Variants in PROS1 observed in about 807,000 individuals in gnomAD.
The protein encoded by PROS1 is protein S.
In PROS1, 29 loss-of-function variants were observed where a neutral mutation model predicts 75.9. The observed-to-expected ratio is 0.38, with a 90% CI of 0.28 to 0.52. The LOEUF is 0.52. PROS1 is among the 20% of genes least tolerant of loss of function. The pLI is 0.83. For synonymous variants in PROS1, 245 were observed against 280.6 expected (o/e 0.87, Z 1.27); for missense variants, 680 against 810.3 (o/e 0.84, Z 1.95).
intron 3 of PROS1, among the ~76,000 whole-genome samples, chr3:93,915,519 T>A (rs1708832098): frequency 6.6e-6 from 1 of 152,146 alleles, no homozygotes; most frequent in Admixed American, 6.5e-5. Context: ...CCTTCAATAT[T>A]TTGCTTAGAA....
chr3:93,907,607 T>C (rs1210348027), intron 4 of PROS1, among the ~76,000 whole-genome samples: 2 of 152,186 alleles, frequency 1.3e-5, no homozygotes, highest in African/African-American at 4.8e-5. Context: ...GTAAAGTTCC[T>C]GTTCATCTTG....
At chr3:93,906,891 T>C (rs1708684955) in intron 4 of PROS1, among the ~76,000 whole-genome samples, 2 of 152,330 alleles carry the variant, frequency 1.3e-5, no homozygotes, top group East Asian at 1.9e-4. Flanking sequence ...AGCGCTAACA[T>C]GCCAGCACCC....
At position 93,968,790 on chromosome 3, in the gene PROS1, A is replaced by T. The variant is rs1165447204; in HGVS notation, c.76+4884T>A. Among the ~76,000 whole-genome samples, 163 of 152,304 alleles carry T rather than the reference A, an allele frequency of 1.1e-3. 1 individual carries two copies. The highest frequency in any genetic ancestry group is 3.7e-3 in the African/African-American group (152 of 41,556). On this transcript the variant is annotated intron_variant, in intron 1 of 14. Coordinates refer to ENST00000394236, the MANE Select transcript of PROS1 (RefSeq NM_000313.4). ...GAAGGAAGACAATAATCCAGGCAAA[A>T]TAGTGTTGTTGCCACATACTAATCA...
At chr3:93,946,682 A>C (rs1291505270) in intron 1 of PROS1, among the ~76,000 whole-genome samples, 1 of 152,172 alleles carries the variant, frequency 6.6e-6, no homozygotes, top group African/African-American at 2.4e-5. Context: ...CTTAAATGTT[A>C]GACCTAAAAC....
intron 1 of PROS1, among the ~76,000 whole-genome samples, chr3:93,964,249 C>T (rs546205278): frequency 2.0e-5 from 3 of 152,286 alleles, no homozygotes; most frequent in African/African-American, 7.2e-5. Flanking sequence ...GTCTTACTCC[C>T]TGCGGGGTTG....
rs1258873920 is a variant in PROS1, at chr3:93,886,767, A to AACAT, written c.1156-268_1156-265dup. ...AAAAAATACTATTCTGTTAAGCTTA[A>AACAT]ACATCCAGTTATATATCTTTCAATT... On this transcript the variant is annotated intron_variant, in intron 10 of 14. Transcript: ENST00000394236. 8.5e-5 allele frequency among the ~76,000 whole-genome samples: 13 copies of AACAT among 152,304 alleles called. No individual in the cohort carries two copies. The East Asian group carries it at 2.5e-3, about 29-fold the overall frequency.
intron 1 of PROS1, among the ~76,000 whole-genome samples, chr3:93,966,131 A>T (rs191394508): frequency 1.1e-4 from 16 of 152,148 alleles, no homozygotes; most frequent in East Asian, 3.9e-4. Flanking sequence ...AAAAACTAAC[A>T]AACTAACCTC....
chr3:93,897,897 A>C (rs773971224), intron 8 of PROS1, among the ~76,000 whole-genome samples: 3 of 152,088 alleles, frequency 2.0e-5, no homozygotes, highest in Non-Finnish European at 4.4e-5. Context: ...AGTTTGAGAG[A>C]CACAGATTAA....
At chr3:93,916,144 A>T (rs1412631845) in intron 3 of PROS1, among the ~76,000 whole-genome samples, 1 of 152,186 alleles carries the variant, frequency 6.6e-6, no homozygotes, top group East Asian at 1.9e-4. Flanking sequence ...CAAGAGATAG[A>T]GAGGGGAAGG....
Position 93,900,847 on chromosome 3 carries a change from G to A in PROS1, c.684C>T (p.Cys228=), listed in dbSNP as rs377173471. 126 of 1,613,750 alleles carry A rather than the reference G, an allele frequency of 7.8e-5. 2 individuals carry two copies. The highest frequency in any genetic ancestry group is 6.7e-5 in the Admixed American group (4 of 59,988). ...TGAGATTATATCTGTAGCCTTCGGG[G>A]CATTCACATTCAAAATCTCCTGGGA... ...KNIPGDFECE[C]PEGYRYNLKS... The change falls in exon 7 of 15, where the codon TGC becomes TGT. Residue 228 remains cysteine (C), a synonymous_variant. Transcript: ENST00000394236.
rs548576399 is a variant in PROS1, at chr3:93,892,929, G to A, written c.1155+4C>T. ...GAAGATATTGATGAAATCTGCAAAC[G>A]TACCATATTCCATAGACCATTATTA... is the stretch of plus-strand genomic sequence containing the variant. On this transcript the variant is annotated splice_donor_region_variant and intron_variant, in intron 10 of 14. Coordinates refer to ENST00000394236, the MANE Select transcript of PROS1 (RefSeq NM_000313.4). 22 of 1,607,986 alleles carry A rather than the reference G, an allele frequency of 1.4e-5. No homozygotes were observed. The highest frequency in any genetic ancestry group is 6.7e-5 in the East Asian group (3 of 44,842).
intron 3 of PROS1, among the ~76,000 whole-genome samples, chr3:93,913,869 G>A (rs1437143258): frequency 6.6e-6 from 1 of 152,112 alleles, no homozygotes; most frequent in Non-Finnish European, 1.5e-5. Flanking sequence ...TTTCCAAAAT[G>A]CAATGAGATA....
chr3:93,929,053 T>C (rs1032065032), intron 1 of PROS1, among the ~76,000 whole-genome samples: 4 of 152,234 alleles, frequency 2.6e-5, no homozygotes, highest in East Asian at 1.9e-4. Context: ...AAAGCACATA[T>C]ACTCGTCATC....
chr3:93,927,206 G>T (rs1576198267), intron 2 of PROS1, 44 bp downstream of exon 2: 1 of 1,608,920 alleles, frequency 6.2e-7, no homozygotes. Flanking sequence ...GTCTGTAGTT[G>T]TATGTCTAGA....
At chr3:93,894,313 G>A (rs1484352988) in intron 9 of PROS1, among the ~76,000 whole-genome samples, 40 of 152,264 alleles carry the variant, frequency 2.6e-4, no homozygotes, top group Non-Finnish European at 1.2e-4. Context: ...GAGGTAAAAT[G>A]TGGAGTAAAG....
At chr3:93,922,056 C>A (rs1396820178) in intron 3 of PROS1, among the ~76,000 whole-genome samples, 1 of 152,190 alleles carries the variant, frequency 6.6e-6, no homozygotes, top group African/African-American at 2.4e-5. Context: ...ACCACACATA[C>A]CAGCAGGTCA....
chr3:93,900,719 C>A, intron 7 of PROS1, 85 bp downstream of exon 7: 1 of 1,573,524 alleles, frequency 6.4e-7, no homozygotes, highest in Non-Finnish European at 8.7e-7. Context: ...CTGTTGATGT[C>A]AAACAAAGCC....
At chr3:93,933,491 C>T (rs1709136474) in intron 1 of PROS1, among the ~76,000 whole-genome samples, 1 of 151,676 alleles carries the variant, frequency 6.6e-6, no homozygotes, top group African/African-American at 2.4e-5. Context: ...TGAAGGATCG[C>T]TTGAGCCCAG....
intron 2 of PROS1, among the ~76,000 whole-genome samples, chr3:93,924,789 A>G (rs1180310981): frequency 6.6e-6 from 1 of 151,798 alleles, no homozygotes; most frequent in Non-Finnish European, 1.5e-5. Flanking sequence ...CAGCCCCCCA[A>G]GTAGCTGGAA....
Sources: allele counts gnomAD v4.1 joint callset (sites outside exome capture counted in the v4.1 genomes callset), GRCh38; gene constraint gnomAD v4.1.1; transcripts MANE v1.5; gene names NCBI Gene and HGNC (gene_info 2026-07-23, HGNC 2026-07-21).